Variants in CHD9 observed in about 807,000 individuals in gnomAD.
CHD9 encodes the protein ATP-dependent chromatin remodeler CHD9.
In CHD9, 77 loss-of-function variants were observed where a neutral mutation model predicts 316.1. The ratio of observed to expected loss-of-function variants is 0.24; its 90% CI spans 0.20 to 0.29. CHD9 has a LOEUF of 0.29. Ranked by LOEUF, CHD9 falls within the 10% of genes least tolerant of loss-of-function variation. The pLI is 1.00. For synonymous variants in CHD9, 1,129 were observed against 1,158.3 expected (o/e 0.97, Z 0.51); for missense variants, 2,763 against 3,438.1 (o/e 0.80, Z 4.91).
At chr16:53,077,687 G>C (rs1274427421) in intron 1 of CHD9, among the ~76,000 whole-genome samples, 1 of 152,204 alleles carries the variant, frequency 6.6e-6, no homozygotes, top group Non-Finnish European at 1.5e-5. Flanking sequence ...AATATGTAAT[G>C]ATTAAATCAG....
chr16:53,192,447 A>T lies in CHD9; in HGVS notation c.1453-17035A>T, dbSNP rs187692880. ...CTAGTGGTATTAGCTTCTTAGTATG[A>T]GAATGGAAGCCTAAAGAACATGTAA... is the stretch of plus-strand genomic sequence containing the variant. On this transcript the variant is annotated intron_variant, in intron 2 of 38. Coordinates refer to ENST00000447540, the MANE Select transcript of CHD9 (RefSeq NM_001308319.2). 5.3e-5 allele frequency among the ~76,000 whole-genome samples: 8 copies of T among 152,372 alleles called. No homozygotes were observed. In the East Asian group the frequency reaches 1.5e-3, roughly 29 times the overall value.
chr16:53,152,181 C>T (rs1205192420), intron 1 of CHD9, among the ~76,000 whole-genome samples: 1 of 152,102 alleles, frequency 6.6e-6, no homozygotes, highest in Non-Finnish European at 1.5e-5. Context: ...TCTGTAGTGA[C>T]TATATTGGTT....
chr16:53,229,010 A>G lies in CHD9; in HGVS notation c.2196A>G (p.Thr732=), dbSNP rs2047926066. The G allele has an allele frequency of 6.3e-7, 1 of 1,588,868 alleles. No homozygotes were observed. The highest frequency in any genetic ancestry group is 1.2e-5 in the South Asian group (1 of 85,644). The change falls in exon 8 of 39, where the codon ACA becomes ACG. Residue 732 remains threonine, a synonymous_variant. Transcript: ENST00000447540. ...NYSYLHCEWA[T]EEQLLKDKRI... is the part of the protein sequence containing the mutation. ...CCTATCTTCACTGTGAGTGGGCCAC[A>G]GAAGAGCAGCTTTTGAAAGATAAAA...
intron 37 of CHD9, chr16:53,319,818 A>G: frequency 7.9e-7 from 1 of 1,267,268 alleles, no homozygotes; most frequent in Non-Finnish European, 1.0e-6. Context: ...TACAGGCTTA[A>G]GGATTGATGA....
intron 2 of CHD9, among the ~76,000 whole-genome samples, chr16:53,172,021 T>C (rs1281236005): frequency 6.6e-6 from 1 of 152,176 alleles, no homozygotes; most frequent in African/African-American, 2.4e-5. Context: ...ATATCAAATT[T>C]TCAGCTTTAT....
At chr16:53,278,236 T>C (rs2053055215) in intron 24 of CHD9, among the ~76,000 whole-genome samples, 2 of 152,168 alleles carry the variant, frequency 1.3e-5, no homozygotes, top group Admixed American at 1.3e-4. Flanking sequence ...ACCATCATTC[T>C]TCACAGAACT....
At chr16:53,201,392 C>T (rs1371664696) in intron 2 of CHD9, among the ~76,000 whole-genome samples, 1 of 152,148 alleles carries the variant, frequency 6.6e-6, no homozygotes, top group Non-Finnish European at 1.5e-5. Flanking sequence ...TTATCAAAAC[C>T]ACTTAGTACC....
intron 24 of CHD9, among the ~76,000 whole-genome samples, chr16:53,284,358 T>C (rs1282368588): frequency 6.6e-6 from 1 of 151,378 alleles, no homozygotes; most frequent in Non-Finnish European, 1.5e-5. Flanking sequence ...TGTGTATATA[T>C]ATATATAATA....
intron 1 of CHD9, among the ~76,000 whole-genome samples, chr16:53,155,282 GC>G (rs1322426128): frequency 6.6e-6 from 1 of 151,634 alleles, no homozygotes; most frequent in Non-Finnish European, 1.5e-5. Context: ...GAGTGCAGTG[GC>G]ACAATTATGG....
chr16:53,147,403 G>T (rs932554592), intron 1 of CHD9, among the ~76,000 whole-genome samples: 1 of 152,170 alleles, frequency 6.6e-6, no homozygotes, highest in Non-Finnish European at 1.5e-5. Flanking sequence ...CAAGTATACA[G>T]CGCAGTGGCA....
chr16:53,221,664 AACAT>A (rs1015871448), intron 3 of CHD9, among the ~76,000 whole-genome samples: 5 of 152,176 alleles, frequency 3.3e-5, no homozygotes, highest in African/African-American at 1.2e-4. Context: ...TATATATATA[AACAT>A]ACATATATGA....
rs2041569035 is a variant in CHD9 at position 53,157,058 on chromosome 16, G to T, written c.969G>T (p.Gln323His). The change falls in exon 2 of 39, where the codon CAG becomes CAT. Residue 323 changes from glutamine (Q) to histidine (H), a missense_variant. By Grantham distance (24) the Gln-to-His change is conservative. Around this residue, in one of 15 missense-constraint regions of CHD9, gnomAD observed 859 missense variants for 890.4 expected, o/e 0.96. Transcript: ENST00000447540. ...GAGGAATCAAGCAAGAATCTACTCA[G>T]CATATCCTAAACCCCAATACATCAT... is the stretch of plus-strand genomic sequence containing the variant. ...PHRGIKQEST[Q>H]HILNPNTSLN... is the part of the protein sequence containing the mutation. 3 of 1,612,892 alleles carry T rather than the reference G, an allele frequency of 1.9e-6. No homozygotes were observed. In the Admixed American group the frequency reaches 5.0e-5, roughly 27 times the overall value.
intron 1 of CHD9, among the ~76,000 whole-genome samples, chr16:53,154,031 A>G (rs936188373): frequency 2.0e-5 from 3 of 152,206 alleles, no homozygotes; most frequent in Non-Finnish European, 4.4e-5. Flanking sequence ...TACCTGCTTT[A>G]ATCCTTACTG....
intron 2 of CHD9, among the ~76,000 whole-genome samples, chr16:53,164,032 C>T (rs568103152): frequency 6.6e-6 from 1 of 152,324 alleles, no homozygotes; most frequent in Non-Finnish European, 1.5e-5. Context: ...ATACTGGATT[C>T]AAACCCTATT....
chr16:53,062,292 T>C (rs192276095), intron 1 of CHD9, among the ~76,000 whole-genome samples: 5 of 152,348 alleles, frequency 3.3e-5, no homozygotes, highest in Middle Eastern at 3.4e-3. Context: ...TCTAATAACA[T>C]TGTTTGCTGT....
intron 1 of CHD9, among the ~76,000 whole-genome samples, chr16:53,074,414 A>G (rs1250685278): frequency 6.6e-6 from 1 of 152,234 alleles, no homozygotes; most frequent in East Asian, 1.9e-4. Flanking sequence ...TGCATAAGTA[A>G]TGAGGAGCTG....
intron 1 of CHD9, among the ~76,000 whole-genome samples, chr16:53,134,113 A>G (rs932673064): frequency 1.3e-5 from 2 of 152,212 alleles, no homozygotes; most frequent in Non-Finnish European, 1.5e-5. Flanking sequence ...AAAACTATGA[A>G]TTAATCTACT....
chr16:53,206,700 G>C (rs2045923123), intron 2 of CHD9, among the ~76,000 whole-genome samples: 1 of 152,164 alleles, frequency 6.6e-6, no homozygotes, highest in African/African-American at 2.4e-5. Context: ...CTGGTACATA[G>C]TAAGCACTAC....
rs184550068 is a variant in CHD9, at chr16:53,193,305, C to T, written c.1453-16177C>T. Among the ~76,000 whole-genome samples the T allele has an allele frequency of 1.7e-3, 255 of 151,942 alleles. 2 individuals are homozygous for T. The highest frequency in any genetic ancestry group is 5.9e-3 in the African/African-American group (246 of 41,424). ...CTACTAAAAATACAAAAAAATTAGC[C>T]GGGCGTGGTGGCGGGCCCCTGTAGT... On this transcript the variant is annotated intron_variant, in intron 2 of 38. Coordinates refer to ENST00000447540, the MANE Select transcript of CHD9 (RefSeq NM_001308319.2).
Sources: gnomAD v4.1 joint callset for allele counts (sites outside exome capture counted in the v4.1 genomes callset) on GRCh38, gnomAD v4.1.1 for gene constraint, gnomAD v4.1.1 regional missense constraint, MANE v1.5 for transcripts, NCBI Gene and HGNC (gene_info 2026-07-23, HGNC 2026-07-21) for gene names.